The following AP2B1 variants were observed in gnomAD, a reference collection of about 807,000 sequenced individuals.
AP2B1 encodes adaptor related protein complex 2 subunit beta 1, also known as AP-2 complex subunit beta.
A neutral mutation model predicts 102.0 loss-of-function variants in AP2B1; 23 were observed. That is an observed-to-expected ratio of 0.23 (90% CI 0.16 to 0.32). The LOEUF (loss-of-function observed/expected upper bound fraction) is 0.32, where lower values mean the gene tolerates loss of function less well. Ranked by LOEUF, AP2B1 falls within the 10% of genes least tolerant of loss-of-function variation. The pLI is 1.00. For synonymous variants in AP2B1, 381 were observed against 421.2 expected (o/e 0.90, Z 1.17); for missense variants, 541 against 1,157.4 (o/e 0.47, Z 7.73).
intron 14 of AP2B1, among the ~76,000 whole-genome samples, chr17:35,664,987 T>C (rs1204646454): frequency 6.6e-6 from 1 of 152,220 alleles, no homozygotes; most frequent in Non-Finnish European, 1.5e-5. Context: ...AGTCTTCTGA[T>C]GATTTTTATA....
chr17:35,644,744 A>G (rs185848559), intron 12 of AP2B1, among the ~76,000 whole-genome samples: 590 of 152,110 alleles, frequency 3.9e-3, no homozygotes, highest in African/African-American at 0.013. Flanking sequence ...ATAAAACAGT[A>G]AGTATGCTGC....
chr17:35,646,068 A>G (rs1021037650), intron 12 of AP2B1, among the ~76,000 whole-genome samples: 3 of 152,152 alleles, frequency 2.0e-5, no homozygotes, highest in Non-Finnish European at 4.4e-5. Flanking sequence ...CTGCACTTTC[A>G]GTGGCATTCC....
chr17:35,670,977 C>CAA (rs1410146336), intron 15 of AP2B1, 79 bp downstream of exon 15: 5 of 1,444,596 alleles, frequency 3.5e-6, no homozygotes, highest in South Asian at 1.1e-5. Flanking sequence ...ATTATCAGAC[C>CAA]AGCCACTGCT....
At chr17:35,617,120 A>C (rs1332385409) in intron 5 of AP2B1, among the ~76,000 whole-genome samples, 2 of 152,198 alleles carry the variant, frequency 1.3e-5, no homozygotes, top group East Asian at 3.9e-4. Flanking sequence ...CAGTGGCACA[A>C]TCTCGGCTTA....
At position 35,724,331 on chromosome 17, in the gene AP2B1, A is replaced by C. The variant is rs1053327394; in HGVS notation, c.*632A>C. ...ACTCCTTTTCCTTGGCCAAGCCTTC[A>C]TGCTTCCCCCTTTCCATATTATAAT... is the stretch of plus-strand genomic sequence containing the variant. On this transcript the variant is annotated 3_prime_UTR_variant, in exon 22 of 22. Coordinates refer to ENST00000610402, the MANE Select transcript of AP2B1 (RefSeq NM_001030006.2). The C allele has an allele frequency of 6.6e-5, 10 of 151,938 alleles. No homozygotes were observed. Among genetic ancestry groups the C allele is most frequent in the African/African-American group, 2.4e-4 (10 of 41,310 alleles). The allele number at this position is 151,938 out of a possible 1,614,324, so 9.4% of individuals were successfully genotyped here.
At chr17:35,608,573 A>G (rs564819320) in intron 5 of AP2B1, among the ~76,000 whole-genome samples, 186 bp downstream of exon 5, 4 of 152,360 alleles carry the variant, frequency 2.6e-5, no homozygotes, top group African/African-American at 9.6e-5. Flanking sequence ...ACCAAGTACT[A>G]AAATGCAGGG....
intron 3 of AP2B1, among the ~76,000 whole-genome samples, chr17:35,601,430 A>G (rs2073477636): frequency 6.6e-6 from 1 of 152,158 alleles, no homozygotes; most frequent in African/African-American, 2.4e-5. Context: ...CCCGGGTTCA[A>G]GGGATTCTCC....
At chr17:35,588,501 T>C (rs1401875047) in intron 1 of AP2B1, 2 of 152,190 alleles carry the variant, frequency 1.3e-5, no homozygotes, top group African/African-American at 4.8e-5. Flanking sequence ...ATCATAACCA[T>C]TGTGGTTTAA....
intron 9 of AP2B1, among the ~76,000 whole-genome samples, chr17:35,634,209 C>T (rs1485081859): frequency 1.3e-5 from 2 of 152,142 alleles, no homozygotes; most frequent in Admixed American, 6.5e-5. Context: ...TATTTTGGTG[C>T]CAGGTATTGA....
At chr17:35,672,119 TATTA>T (rs2075601610) in intron 16 of AP2B1, among the ~76,000 whole-genome samples, 2 of 152,344 alleles carry the variant, frequency 1.3e-5, no homozygotes, top group South Asian at 4.1e-4. Context: ...AAATTTGACA[TATTA>T]ATTATTTGAG....
At position 35,724,046 on chromosome 17, in the gene AP2B1, G is replaced by A; in HGVS notation, c.*347G>A. 1 of 227,658 alleles carries A rather than the reference G, an allele frequency of 4.4e-6. No individual in the cohort carries two copies. Among genetic ancestry groups the A allele is most frequent in the East Asian group, 8.7e-5 (1 of 11,550 alleles). 14.1% of individuals were successfully genotyped at this position (227,658 alleles called of 1,614,324 possible). A position where few individuals can be genotyped will look rare whatever the true frequency, so the allele number is the denominator to read the frequency against. ...TAATTGAGAGCTCATTTCAAAAGCA[G>A]AAAAAGACAACAAATATTAAAGCAA... On this transcript the variant is annotated 3_prime_UTR_variant, in exon 22 of 22. Transcript: ENST00000610402.
chr17:35,588,399 C>T (rs1597940895), intron 1 of AP2B1, among the ~76,000 whole-genome samples: 1 of 152,252 alleles, frequency 6.6e-6, no homozygotes, highest in Middle Eastern at 3.4e-3. Context: ...GCTTCGGCCT[C>T]CTAAAGTTTT....
chr17:35,668,449 T>G (rs2075516829), intron 14 of AP2B1, among the ~76,000 whole-genome samples: 2 of 152,176 alleles, frequency 1.3e-5, no homozygotes, highest in Non-Finnish European at 2.9e-5. Flanking sequence ...GGGCGAGTAC[T>G]TTTTAAAGCG....
chr17:35,598,288 G>A lies in AP2B1; in HGVS notation c.96G>A (p.Glu32=), dbSNP rs2073359341. The change falls in exon 3 of 22, where the codon GAG becomes GAA. Residue 32 remains glutamate, a synonymous_variant. Coordinates refer to ENST00000610402, the MANE Select transcript of AP2B1 (RefSeq NM_001030006.2). ...LNNEKKEKRK[E]AVKKVIAAMT... is the part of the protein sequence containing the mutation. ...ATGAAAAGAAAGAAAAGAGAAAGGA[G>A]GCTGTGAAGAAAGTGATTGCTGCTA... is the stretch of plus-strand genomic sequence containing the variant. The A allele has an allele frequency of 1.2e-6, 2 of 1,613,756 alleles. No individual in the cohort carries two copies. Among genetic ancestry groups the A allele is most frequent in the Middle Eastern group, 1.6e-4 (1 of 6,062 alleles).
chr17:35,607,738 C>T (rs2073730218), intron 4 of AP2B1: 1 of 154,700 alleles, frequency 6.5e-6, no homozygotes, highest in Non-Finnish European at 1.4e-5. Context: ...TGTTTAGGAA[C>T]TCACTGTGGA....
At chr17:35,588,432 G>A (rs370453267) in intron 1 of AP2B1, among the ~76,000 whole-genome samples, 4 of 152,204 alleles carry the variant, frequency 2.6e-5, no homozygotes, top group African/African-American at 9.6e-5. Flanking sequence ...GTGAGCCAGC[G>A]CGCCCAGCCA....
chr17:35,591,523 T>C (rs2073101145), intron 1 of AP2B1, among the ~76,000 whole-genome samples: 1 of 152,180 alleles, frequency 6.6e-6, no homozygotes, highest in African/African-American at 2.4e-5. Flanking sequence ...AGAAATTGGG[T>C]GACAAATTCT....
chr17:35,673,423 G>A (rs1173042915), intron 16 of AP2B1, among the ~76,000 whole-genome samples: 3 of 151,986 alleles, frequency 2.0e-5, no homozygotes, highest in African/African-American at 4.8e-5. Context: ...TCCTGATCTC[G>A]TGATCTGCCC....
At position 35,709,170 on chromosome 17, in the gene AP2B1, C is replaced by T. The variant is rs1414570412; in HGVS notation, c.2455-54C>T. ...TTCTAGACACAGCGCTGTTCTTTTC[C>T]TCCTACCTGGCTCCCTGCGATGTCC... On this transcript the variant is annotated intron_variant, in intron 18 of 21. Coordinates refer to ENST00000610402, the MANE Select transcript of AP2B1 (RefSeq NM_001030006.2). The T allele has an allele frequency of 5.3e-6, 8 of 1,496,742 alleles. No homozygotes were observed. In the African/African-American group the frequency reaches 1.1e-4, roughly 21 times the overall value. 92.7% of individuals were successfully genotyped at this position (1,496,742 alleles called of 1,614,324 possible).
Sources: gnomAD v4.1 joint callset for allele counts (sites outside exome capture counted in the v4.1 genomes callset) on GRCh38, gnomAD v4.1.1 for gene constraint, MANE v1.5 for transcripts, NCBI Gene and HGNC (gene_info 2026-07-23, HGNC 2026-07-21) for gene names.